Variants in F11R observed in about 807,000 individuals in gnomAD.
The protein encoded by F11R is junctional adhesion molecule A.
A neutral mutation model predicts 39.3 loss-of-function variants in F11R; 27 were observed. The ratio of observed to expected loss-of-function variants is 0.69; its 90% CI spans 0.51 to 0.95. The LOEUF is 0.95. F11R is among the 40% of genes least tolerant of loss of function. The probability of loss-of-function intolerance (pLI) is 0.00; values close to 1 mark genes in which losing one functional copy is unlikely to be tolerated. For synonymous variants in F11R, 131 were observed against 144.9 expected (o/e 0.90, Z 0.69); for missense variants, 335 against 372.7 (o/e 0.90, Z 0.83).
At chr1:161,002,008 G>C (rs1488063921) in intron 1 of F11R, among the ~76,000 whole-genome samples, 1 of 152,108 alleles carries the variant, frequency 6.6e-6, no homozygotes, top group Non-Finnish European at 1.5e-5. Context: ...GCTCAGGCCT[G>C]TAAACCCAGC....
intron 1 of F11R, among the ~76,000 whole-genome samples, chr1:161,006,753 C>T (rs1371238041): frequency 6.6e-6 from 1 of 152,164 alleles, no homozygotes; most frequent in African/African-American, 2.4e-5. Flanking sequence ...CATCATGAGT[C>T]AAGGCCAGCC....
At chr1:161,003,343 G>A (rs545299363) in intron 1 of F11R, among the ~76,000 whole-genome samples, 74 of 151,572 alleles carry the variant, frequency 4.9e-4, no homozygotes, top group African/African-American at 1.5e-3. Flanking sequence ...GGCTGGTCTC[G>A]AACTCCCGAC....
chr1:161,009,203 C>T (rs531235574), intron 1 of F11R, among the ~76,000 whole-genome samples: 31 of 152,260 alleles, frequency 2.0e-4, no homozygotes, highest in Admixed American at 3.3e-4. Flanking sequence ...CATGCCCAGT[C>T]CTCACCATAG....
intron 1 of F11R, among the ~76,000 whole-genome samples, chr1:161,008,501 CAA>C (rs948844017): frequency 7.6e-6 from 1 of 131,510 alleles, no homozygotes. Context: ...GACCCCGTCT[CAA>C]AAAAAAAAAA....
At chr1:161,003,045 C>A (rs535607974) in intron 1 of F11R, among the ~76,000 whole-genome samples, 2 of 151,544 alleles carry the variant, frequency 1.3e-5, no homozygotes, top group South Asian at 4.2e-4. Context: ...CCTCTGCCTC[C>A]CAGGTTCAAG....
intron 1 of F11R, 107 bp downstream of exon 1, chr1:161,020,903 G>A: frequency 1.1e-6 from 1 of 947,442 alleles, no homozygotes; most frequent in Non-Finnish European, 1.7e-6. Flanking sequence ...GAACGATATA[G>A]GAAGGTTTCT....
intron 1 of F11R, among the ~76,000 whole-genome samples, chr1:161,011,729 CA>C (rs200362096): frequency 0.28 from 32,440 of 116,178 alleles, 3,992 homozygotes; most frequent in Middle Eastern, 0.41. Flanking sequence ...GATTCCACCT[CA>C]AAAAAAAAAA....
rs768424663 is a variant in F11R at position 160,996,170 on chromosome 1, A to C, written c.*2701T>G. ...CTAGGAGTCCCAATTCTCTTAAGGT[A>C]AGAACTTCAGGATTTAAACAAACTC... On this transcript the variant is annotated 3_prime_UTR_variant, in exon 10 of 10. Transcript: ENST00000368026. 1 of 152,368 alleles carries C rather than the reference A, an allele frequency of 6.6e-6. No individual in the cohort carries two copies. Among genetic ancestry groups the C allele is most frequent in the East Asian group, 1.9e-4 (1 of 5,342 alleles). The allele number at this position is 152,368 out of a possible 1,614,324, so 9.4% of individuals were successfully genotyped here. A position where few individuals can be genotyped will look rare whatever the true frequency, so the allele number is the denominator to read the frequency against.
chr1:161,003,133 T>TG (rs909761942), intron 1 of F11R, among the ~76,000 whole-genome samples: 3 of 149,326 alleles, frequency 2.0e-5, no homozygotes, highest in Non-Finnish European at 4.5e-5. Flanking sequence ...ATTTTTTTTT[T>TG]TTTTTTTGAG....
intron 1 of F11R, among the ~76,000 whole-genome samples, chr1:161,002,801 G>A (rs1327775613): frequency 6.6e-6 from 1 of 151,720 alleles, no homozygotes; most frequent in African/African-American, 2.4e-5. Context: ...TGGCATTAAT[G>A]TTTAGATAAT....
rs964962390 is a variant in F11R, at chr1:160,998,558, G to A, written c.*313C>T. On this transcript the variant is annotated 3_prime_UTR_variant, in exon 10 of 10. Transcript: ENST00000368026. ...TTGAGTGCAGATTCCTGCGACCCCC[G>A]CCATTTTTGCTGTCTACTTAGAAGG... 2.8e-5 allele frequency: 15 copies of A among 526,710 alleles called. No homozygotes were observed. Among genetic ancestry groups the A allele is most frequent in the South Asian group, 5.1e-5 (2 of 39,528 alleles). 32.6% of individuals were successfully genotyped at this position (526,710 alleles called of 1,614,324 possible). A position where few individuals can be genotyped will look rare whatever the true frequency, so the allele number is the denominator to read the frequency against.
intron 1 of F11R, among the ~76,000 whole-genome samples, chr1:161,003,576 T>C (rs1648621197): frequency 6.6e-6 from 1 of 151,874 alleles, no homozygotes; most frequent in Non-Finnish European, 1.5e-5. Flanking sequence ...TTTTCTTTTT[T>C]TTCTTTTGTT....
At chr1:161,008,868 T>C (rs1648972166) in intron 1 of F11R, among the ~76,000 whole-genome samples, 1 of 152,078 alleles carries the variant, frequency 6.6e-6, no homozygotes, top group African/African-American at 2.4e-5. Context: ...TATGATAAAA[T>C]CCAAATTTTT....
At chr1:161,015,277 AG>A (rs1649394473) in intron 1 of F11R, among the ~76,000 whole-genome samples, 1 of 149,632 alleles carries the variant, frequency 6.7e-6, no homozygotes, top group Non-Finnish European at 1.5e-5. Flanking sequence ...GGGCCCCTGT[AG>A]TCCCAGCTAC....
chr1:160,997,784 C>T lies in F11R; in HGVS notation c.*1087G>A, dbSNP rs1322161814. On this transcript the variant is annotated 3_prime_UTR_variant, in exon 10 of 10. Coordinates refer to ENST00000368026, the MANE Select transcript of F11R (RefSeq NM_016946.6). ...TCTCACCAAAGAGCTAAGAAGCCCT[C>T]CAACACACGCCCAATTTCAGCATAC... The T allele has an allele frequency of 2.6e-5, 4 of 152,968 alleles. No individual in the cohort carries two copies. The highest frequency in any genetic ancestry group is 5.9e-5 in the Non-Finnish European group (4 of 68,100). 9.5% of individuals were successfully genotyped at this position (152,968 alleles called of 1,614,324 possible).
intron 1 of F11R, among the ~76,000 whole-genome samples, chr1:161,016,746 C>T (rs1203483298): frequency 6.6e-6 from 1 of 151,956 alleles, no homozygotes; most frequent in African/African-American, 2.4e-5. Flanking sequence ...CCAGGTAGAA[C>T]TAGGAAGTGC....
At chr1:161,014,266 A>C (rs770415306) in intron 1 of F11R, among the ~76,000 whole-genome samples, 2 of 152,234 alleles carry the variant, frequency 1.3e-5, no homozygotes, top group Non-Finnish European at 2.9e-5. Context: ...TTATCACATA[A>C]AATGTGCATG....
At chr1:161,010,441 CAAAA>C (rs1248451719) in intron 1 of F11R, among the ~76,000 whole-genome samples, 1 of 80,266 alleles carries the variant, frequency 1.2e-5, no homozygotes, top group South Asian at 5.2e-4. Flanking sequence ...GAGACTCCAT[CAAAA>C]AAAAAAAAAA....
At chr1:161,009,919 A>C (rs1649035002) in intron 1 of F11R, among the ~76,000 whole-genome samples, 1 of 151,812 alleles carries the variant, frequency 6.6e-6, no homozygotes, top group African/African-American at 2.4e-5. Flanking sequence ...CTTAGTCTGG[A>C]TGACAGAGCA....
Sources: allele counts gnomAD v4.1 joint callset (sites outside exome capture counted in the v4.1 genomes callset), GRCh38; gene constraint gnomAD v4.1.1; transcripts MANE v1.5; gene names NCBI Gene and HGNC (gene_info 2026-07-23, HGNC 2026-07-21).